The following BRIP1 variants were observed in gnomAD, a reference collection of about 807,000 sequenced individuals.
BRIP1 encodes BRCA1 interacting DNA helicase 1, also known as Fanconi anemia group J protein.
A neutral mutation model predicts 119.7 loss-of-function variants in BRIP1; 88 were observed. The observed-to-expected ratio is 0.74, with a 90% CI of 0.62 to 0.88. The LOEUF (loss-of-function observed/expected upper bound fraction) is 0.88. Ranked by LOEUF, BRIP1 falls within the 40% of genes least tolerant of loss-of-function variation. BRIP1 has a pLI of 0.00. For synonymous variants in BRIP1, 443 were observed against 496.5 expected, an observed-to-expected ratio of 0.89 and a Z score of 1.43; for missense variants, 1,259 against 1,455.4, an observed-to-expected ratio of 0.87 and a Z score of 2.20.
chr17:61,768,663 T>C lies in BRIP1; in HGVS notation c.2097+7738A>G, dbSNP rs1156710270. Among the ~76,000 whole-genome samples, 1 of 152,154 alleles carries C rather than the reference T, an allele frequency of 6.6e-6. No homozygotes were observed. The highest frequency in any genetic ancestry group is 1.9e-4 in the East Asian group (1 of 5,202). ...TACCCTGATAAATTAACCCCTGTGA[T>C]AAAAAGTTTATGATAGCCCCTAAGA... On this transcript the variant is annotated intron_variant, in intron 14 of 19. Coordinates refer to ENST00000259008, the MANE Select transcript of BRIP1 (RefSeq NM_032043.3). This position sits in a 1 kb window ranked among gnomAD's most constrained non-coding sequence, Gnocchi z 5.0.
chr17:61,685,765 A>G, intron 19 of BRIP1, 71 bp downstream of exon 19: 1 of 1,341,050 alleles, frequency 7.5e-7, no homozygotes, highest in Admixed American at 1.7e-5. Flanking sequence ...TCTATACCCA[A>G]ATAAATATCA....
rs569109428 is a variant in BRIP1 at position 61,779,222 on chromosome 17, G to A, written c.1935+1039C>T. ...AGCTATTAATCTAGGCACAGAGGAA[G>A]AACGTGGATGTAAAAGGAAGAATCA... is the stretch of plus-strand genomic sequence containing the variant. On this transcript the variant is annotated intron_variant, in intron 13 of 19. Coordinates refer to ENST00000259008, the MANE Select transcript of BRIP1 (RefSeq NM_032043.3). 2.0e-5 allele frequency among the ~76,000 whole-genome samples: 3 copies of A among 152,310 alleles called. No homozygotes were observed. In the East Asian group the frequency reaches 5.8e-4, roughly 29 times the overall value.
intron 6 of BRIP1, among the ~76,000 whole-genome samples, chr17:61,839,209 T>G (rs1411243235): frequency 6.6e-6 from 1 of 152,046 alleles, no homozygotes; most frequent in Non-Finnish European, 1.5e-5. Flanking sequence ...ATGTATTATT[T>G]AATGCTAGAA....
intron 6 of BRIP1, among the ~76,000 whole-genome samples, chr17:61,817,090 AT>A (rs1417563327): frequency 1.3e-5 from 2 of 152,194 alleles, no homozygotes; most frequent in East Asian, 3.9e-4. Context: ...TTCAGCATCA[AT>A]GGTATTGAGA....
At position 61,693,694 on chromosome 17, in the gene BRIP1, T is replaced by C. The variant is rs1255081639; in HGVS notation, c.2493-182A>G. Reference sequence around the variant, plus strand: ...GTAACAAACTAGATGTATTAAAAATTCCCTACTTTTTCCAAATACAGATAA... The same window carrying C: ...GTAACAAACTAGATGTATTAAAAATCCCCTACTTTTTCCAAATACAGATAA... On this transcript the variant is annotated intron_variant, in intron 17 of 19. Coordinates refer to ENST00000259008, the MANE Select transcript of BRIP1 (RefSeq NM_032043.3). The surrounding 1 kb of genome is among the most constrained non-coding windows in gnomAD (Gnocchi z 4.2). Among the ~76,000 whole-genome samples the C allele has an allele frequency of 6.6e-6, 1 of 152,170 alleles. No individual in the cohort carries two copies. The highest frequency in any genetic ancestry group is 2.4e-5 in the African/African-American group (1 of 41,452).
rs757180238 is a variant in BRIP1 at position 61,757,725 on chromosome 17, C to T, written c.2098-13134G>A. ...TGAAAAGAAAACAATAAAAGCCAGA[C>T]GCGGTGGCTCACACCTGTAATCCCA... On this transcript the variant is annotated intron_variant, in intron 14 of 19. Transcript: ENST00000259008. This position sits in a 1 kb window ranked among gnomAD's most constrained non-coding sequence, Gnocchi z 4.3. Among the ~76,000 whole-genome samples, 21 of 152,030 alleles carry T rather than the reference C, an allele frequency of 1.4e-4. No individual in the cohort carries two copies. The highest frequency in any genetic ancestry group is 2.1e-4 in the South Asian group (1 of 4,820).
intron 4 of BRIP1, among the ~76,000 whole-genome samples, chr17:61,854,308 C>T (rs1055603439): frequency 6.6e-6 from 1 of 151,984 alleles, no homozygotes; most frequent in Non-Finnish European, 1.5e-5. Context: ...ATTAAAAGGA[C>T]TGACCATACC....
Position 61,768,953 on chromosome 17 carries a change from AAGT to A in BRIP1, c.2097+7445_2097+7447del, listed in dbSNP as rs938475388. Among the ~76,000 whole-genome samples, 9 of 152,158 alleles carry A rather than the reference AAGT, an allele frequency of 5.9e-5. No individual in the cohort carries two copies. The highest frequency in any genetic ancestry group is 1.2e-4 in the Non-Finnish European group (8 of 68,016). On this transcript the variant is annotated intron_variant, in intron 14 of 19. Transcript: ENST00000259008. The surrounding 1 kb of genome is among the most constrained non-coding windows in gnomAD (Gnocchi z 5.0). ...GTTGGCTTTGAAGAAGGAAAAAAAA[AAGT>A]AGTAGTAGTAATAAGCTGCCACGTT...
At chr17:61,727,065 G>A (rs949728925) in intron 16 of BRIP1, among the ~76,000 whole-genome samples, 8 of 152,136 alleles carry the variant, frequency 5.3e-5, no homozygotes, top group Non-Finnish European at 1.2e-4. Flanking sequence ...AATATTAAGA[G>A]GATTTAATAA....
chr17:61,788,827 C>T (rs2077772471), intron 10 of BRIP1, among the ~76,000 whole-genome samples: 1 of 151,976 alleles, frequency 6.6e-6, no homozygotes, highest in Non-Finnish European at 1.5e-5. Context: ...GCACGGGTGG[C>T]TCATGCTTGT....
In BRIP1 at chr17:61,734,023, C is replaced by T. The variant is rs944600623; in HGVS notation, c.2379+8990G>A. On this transcript the variant is annotated intron_variant, in intron 16 of 19. Coordinates refer to ENST00000259008, the MANE Select transcript of BRIP1 (RefSeq NM_032043.3). This position sits in a 1 kb window ranked among gnomAD's most constrained non-coding sequence, Gnocchi z 5.2. Reference sequence around the variant, plus strand: ...CAGAGAAGTAAAGGAACAATACCTACGAAGGAGAACTTTTCTATATACTAT... The same window carrying T: ...CAGAGAAGTAAAGGAACAATACCTATGAAGGAGAACTTTTCTATATACTAT... Among the ~76,000 whole-genome samples the T allele has an allele frequency of 3.3e-5, 5 of 152,106 alleles. No homozygotes were observed. Among genetic ancestry groups the T allele is most frequent in the Admixed American group, 6.5e-5 (1 of 15,268 alleles).
rs1297457758 is a variant in BRIP1 at position 61,816,599 on chromosome 17, A to C, written c.628-7842T>G. 6.6e-6 allele frequency among the ~76,000 whole-genome samples: 1 copy of C among 152,204 alleles called. No homozygotes were observed. Among genetic ancestry groups the C allele is most frequent in the Non-Finnish European group, 1.5e-5 (1 of 68,038 alleles). ...AATAAGAATTATCAGTTTAAGAACA[A>C]GCATATCATAAAGATGACTGACCTG... On this transcript the variant is annotated intron_variant, in intron 6 of 19. Coordinates refer to ENST00000259008, the MANE Select transcript of BRIP1 (RefSeq NM_032043.3). This position sits in a 1 kb window ranked among gnomAD's most constrained non-coding sequence, Gnocchi z 5.0.
Position 61,845,751 on chromosome 17 carries a change from C to T in BRIP1, c.627+1350G>A, listed in dbSNP as rs2145728934. On this transcript the variant is annotated intron_variant, in intron 6 of 19. Transcript: ENST00000259008. The surrounding 1 kb of genome is among the most constrained non-coding windows in gnomAD (Gnocchi z 4.2). ...GCTTCTCCCCAGGACATCCATCCTG[C>T]TTCTGTATGCAAAAGTGTTTTATGA... Among the ~76,000 whole-genome samples the T allele has an allele frequency of 6.6e-6, 1 of 152,296 alleles. No homozygotes were observed. The highest frequency in any genetic ancestry group is 2.1e-4 in the South Asian group (1 of 4,828).
rs774008766 is a variant in BRIP1, at chr17:61,851,097, G to A, written c.380-1841C>T. 5.4e-4 allele frequency among the ~76,000 whole-genome samples: 82 copies of A among 151,560 alleles called. No individual in the cohort carries two copies. The highest frequency in any genetic ancestry group is 9.7e-4 in the Non-Finnish European group (66 of 67,904). Reference sequence around the variant, plus strand: ...ACAAAAATTAGCTGGGCATGGTGGTGCATGCCTGTAATCCCAGCTACTTGG... The same window carrying A: ...ACAAAAATTAGCTGGGCATGGTGGTACATGCCTGTAATCCCAGCTACTTGG... On this transcript the variant is annotated intron_variant, in intron 4 of 19. Transcript: ENST00000259008. The surrounding 1 kb of genome is among the most constrained non-coding windows in gnomAD (Gnocchi z 4.6).
rs562601749 is a variant in BRIP1 at position 61,844,676 on chromosome 17, T to G, written c.627+2425A>C. ...ATACTTGATTTGTTTATCTGTGAGC[T>G]TCTACATATTTCTTTCCTTATCTTG... On this transcript the variant is annotated intron_variant, in intron 6 of 19. Coordinates refer to ENST00000259008, the MANE Select transcript of BRIP1 (RefSeq NM_032043.3). This position sits in a 1 kb window ranked among gnomAD's most constrained non-coding sequence, Gnocchi z 4.7. 7.9e-5 allele frequency among the ~76,000 whole-genome samples: 12 copies of G among 152,376 alleles called. No homozygotes were observed. Among genetic ancestry groups the G allele is most frequent in the African/African-American group, 2.6e-4 (11 of 41,602 alleles).
intron 17 of BRIP1, among the ~76,000 whole-genome samples, chr17:61,714,008 T>A (rs1051660038): frequency 2.6e-5 from 4 of 151,838 alleles, no homozygotes; most frequent in Non-Finnish European, 4.4e-5. Flanking sequence ...AAAAAGTTTA[T>A]AAAGTAAAAA....
chr17:61,861,583 G>C lies in BRIP1; in HGVS notation c.-30-14C>G, dbSNP rs747250217. On this transcript the variant is annotated splice_polypyrimidine_tract_variant and intron_variant, in intron 1 of 19. Transcript: ENST00000259008. This position sits in a 1 kb window ranked among gnomAD's most constrained non-coding sequence, Gnocchi z 4.5. ...TCAGATTCCTAACTACAACAGAAAT[G>C]AAAATGTCAAATATTGAGACACGCC... is the stretch of plus-strand genomic sequence containing the variant. 2 of 1,429,366 alleles carry C rather than the reference G, an allele frequency of 1.4e-6. No homozygotes were observed. The highest frequency in any genetic ancestry group is 4.6e-5 in the East Asian group (2 of 43,894). 88.5% of individuals were successfully genotyped at this position (1,429,366 alleles called of 1,614,324 possible). A position where few individuals can be genotyped will look rare whatever the true frequency, so the allele number is the denominator to read the frequency against.
intron 9 of BRIP1, among the ~76,000 whole-genome samples, chr17:61,797,612 T>A (rs1382675699): frequency 3.3e-5 from 5 of 151,916 alleles, no homozygotes; most frequent in Non-Finnish European, 4.4e-5. Flanking sequence ...ACCACAAAAA[T>A]CTGCATGGCA....
rs1406775096 is a variant in BRIP1, at chr17:61,701,750, C to T, written c.2493-8238G>A. ...ACTTGCCCCAAATGTCATTCATTGT[C>T]TCAGGCAACTGTGAAGTTAAACAGC... On this transcript the variant is annotated intron_variant, in intron 17 of 19. Coordinates refer to ENST00000259008, the MANE Select transcript of BRIP1 (RefSeq NM_032043.3). The surrounding 1 kb of genome is among the most constrained non-coding windows in gnomAD (Gnocchi z 5.1). Among the ~76,000 whole-genome samples, 3 of 152,188 alleles carry T rather than the reference C, an allele frequency of 2.0e-5. No homozygotes were observed. The highest frequency in any genetic ancestry group is 7.2e-5 in the African/African-American group (3 of 41,452).
Sources: allele counts gnomAD v4.1 joint callset (sites outside exome capture counted in the v4.1 genomes callset), GRCh38; gene constraint gnomAD v4.1.1; non-coding constraint Gnocchi (gnomAD v3.1); transcripts MANE v1.5; gene names NCBI Gene and HGNC (gene_info 2026-07-23, HGNC 2026-07-21).